GRID2: variants seen among roughly 807,000 people sequenced by gnomAD.
GRID2 encodes glutamate ionotropic receptor delta type subunit 2.
Under a neutral mutation model 114.8 loss-of-function variants are expected in GRID2, and 33 were observed. That is an observed-to-expected ratio of 0.29 (90% CI 0.22 to 0.38). The LOEUF (loss-of-function observed/expected upper bound fraction) is 0.38. GRID2 is among the 10% of genes least tolerant of loss of function. The pLI, the probability that GRID2 is intolerant of heterozygous loss-of-function variation, is 1.00. For synonymous variants in GRID2, 505 were observed against 449.9 expected (o/e 1.12, Z -1.55); for missense variants, 1,184 against 1,257.7 (o/e 0.94, Z 0.89).
chr4:92,842,119 G>T (rs1560630983), intron 2 of GRID2, among the ~76,000 whole-genome samples: 1 of 152,074 alleles, frequency 6.6e-6, no homozygotes, highest in Non-Finnish European at 1.5e-5. Context: ...TGCTATGCTT[G>T]TAAATTCATT....
intron 8 of GRID2, among the ~76,000 whole-genome samples, chr4:93,338,777 T>G (rs1759342640): frequency 6.6e-6 from 1 of 152,106 alleles, no homozygotes; most frequent in Non-Finnish European, 1.5e-5. Context: ...ATAATGAAAA[T>G]TTGGCTCATT....
At chr4:93,027,414 A>G (rs968169087) in intron 2 of GRID2, among the ~76,000 whole-genome samples, 4 of 152,072 alleles carry the variant, frequency 2.6e-5, no homozygotes, top group Non-Finnish European at 5.9e-5. Flanking sequence ...AAAAGATTAA[A>G]GCAAGTAATA....
chr4:92,465,171 G>C (rs1721689270), intron 1 of GRID2, among the ~76,000 whole-genome samples: 1 of 151,904 alleles, frequency 6.6e-6, no homozygotes, highest in African/African-American at 2.4e-5. Context: ...TGTGAGAATA[G>C]ACTAATACAG....
Position 92,970,009 on chromosome 4 carries a change from C to T in GRID2, c.245-114986C>T, listed in dbSNP as rs1753395217. 2.6e-5 allele frequency among the ~76,000 whole-genome samples: 4 copies of T among 151,864 alleles called. No individual in the cohort carries two copies. The South Asian group carries it at 6.2e-4, about 24-fold the overall frequency. Reference sequence around the variant, plus strand: ...TTTGGTTAATCCTAAAATTTCCGGGCTAACAATGGAAAAATGTTTCTTAAA... The same window carrying T: ...TTTGGTTAATCCTAAAATTTCCGGGTTAACAATGGAAAAATGTTTCTTAAA... On this transcript the variant is annotated intron_variant, in intron 2 of 15. Transcript: ENST00000282020.
Position 92,443,101 on chromosome 4 carries a change from G to A in GRID2, c.88+138357G>A, listed in dbSNP as rs532929375. Among the ~76,000 whole-genome samples, 9 of 152,146 alleles carry A rather than the reference G, an allele frequency of 5.9e-5. No individual in the cohort carries two copies. In the East Asian group the frequency reaches 1.6e-3, roughly 26 times the overall value. On this transcript the variant is annotated intron_variant, in intron 1 of 15. Transcript: ENST00000282020. The stretch of plus-strand genomic sequence containing the variant: ...GCGAGGCTTGGGGTTGGTACTGAGG[G>A]GACAGGCAGGAGGGAAAGAAGGAAG...
intron 1 of GRID2, among the ~76,000 whole-genome samples, chr4:92,586,187 A>G (rs931987598): frequency 4.6e-5 from 7 of 151,964 alleles, no homozygotes; most frequent in Admixed American, 2.6e-4. Flanking sequence ...GGAAACACCA[A>G]AAATAAAACC....
chr4:93,293,285 A>G (rs1753939335), intron 8 of GRID2, among the ~76,000 whole-genome samples: 1 of 152,224 alleles, frequency 6.6e-6, no homozygotes, highest in Admixed American at 6.5e-5. Flanking sequence ...GTGGCTGGAC[A>G]GCTATCTACA....
chr4:93,669,743 G>A (rs1166755960), intron 14 of GRID2, among the ~76,000 whole-genome samples: 1 of 152,080 alleles, frequency 6.6e-6, no homozygotes, highest in African/African-American at 2.4e-5. Flanking sequence ...TCTCCAGACA[G>A]TATATAGGTA....
At chr4:93,546,782 GA>G (rs960417719) in intron 13 of GRID2, among the ~76,000 whole-genome samples, 2 of 152,100 alleles carry the variant, frequency 1.3e-5, no homozygotes, top group Non-Finnish European at 2.9e-5. Flanking sequence ...GGACCATGTT[GA>G]AAATGGCTCT....
chr4:93,588,391 G>T (rs1384961724), intron 13 of GRID2, among the ~76,000 whole-genome samples: 2 of 151,962 alleles, frequency 1.3e-5, no homozygotes, highest in African/African-American at 4.8e-5. Context: ...TGTCATACAG[G>T]ACTACAAAAA....
At chr4:93,499,432 C>G (rs556276632) in intron 12 of GRID2, among the ~76,000 whole-genome samples, 1 of 151,998 alleles carries the variant, frequency 6.6e-6, no homozygotes, top group African/African-American at 2.4e-5. Flanking sequence ...GCATATTGAG[C>G]CCTTCTTTCC....
chr4:93,305,858 A>C (rs925435196), intron 8 of GRID2, among the ~76,000 whole-genome samples: 1 of 137,002 alleles, frequency 7.3e-6, no homozygotes, highest in Non-Finnish European at 1.5e-5. Flanking sequence ...TCTCTGATCT[A>C]TATCCATTAG....
intron 1 of GRID2, among the ~76,000 whole-genome samples, chr4:92,428,938 C>T (rs1732298541): frequency 1.3e-5 from 2 of 152,040 alleles, no homozygotes; most frequent in Admixed American, 6.6e-5. Flanking sequence ...CTTAGGTATA[C>T]ATGTGCCATG....
intron 2 of GRID2, among the ~76,000 whole-genome samples, chr4:92,609,547 T>C (rs1387233577): frequency 1.3e-5 from 2 of 151,276 alleles, no homozygotes; most frequent in African/African-American, 2.4e-5. Context: ...AGCAGAGACC[T>C]GAATGATGAA....
chr4:93,253,726 C>G (rs1185851860), intron 8 of GRID2, among the ~76,000 whole-genome samples: 1 of 152,098 alleles, frequency 6.6e-6, no homozygotes, highest in Non-Finnish European at 1.5e-5. Flanking sequence ...CAAATTCTAT[C>G]AAAATTTCTG....
chr4:93,707,027 T>C (rs1011151736), intron 14 of GRID2, among the ~76,000 whole-genome samples: 1 of 152,130 alleles, frequency 6.6e-6, no homozygotes, highest in African/African-American at 2.4e-5. Flanking sequence ...TGTGTGTTGA[T>C]CTATCCTTGC....
At chr4:93,647,724 G>A (rs1228438109) in intron 14 of GRID2, among the ~76,000 whole-genome samples, 1 of 152,122 alleles carries the variant, frequency 6.6e-6, no homozygotes, top group Non-Finnish European at 1.5e-5. Context: ...TAATGGGATG[G>A]AAGAAATGTT....
chr4:93,800,145 T>G (rs1442752610), intron 1 of GRID2, among the ~76,000 whole-genome samples: 3 of 152,058 alleles, frequency 2.0e-5, no homozygotes, highest in Non-Finnish European at 2.9e-5. Context: ...AGGAAAGAGG[T>G]AGGAAACAAT....
chr4:92,698,971 AT>A (rs1426002423), intron 2 of GRID2, among the ~76,000 whole-genome samples: 1 of 152,030 alleles, frequency 6.6e-6, no homozygotes, highest in South Asian at 2.1e-4. Context: ...GGACCCTGAT[AT>A]TTTTTTCTTC....
Sources: allele counts gnomAD v4.1 joint callset (sites outside exome capture counted in the v4.1 genomes callset), GRCh38; gene constraint gnomAD v4.1.1; transcripts MANE v1.5; gene names NCBI Gene and HGNC (gene_info 2026-07-23, HGNC 2026-07-21).